MYO5B: variants seen among roughly 807,000 people sequenced by gnomAD.
MYO5B encodes the protein unconventional myosin-Vb.
In MYO5B, 143 loss-of-function variants were observed where a neutral mutation model predicts 229.3. The ratio of observed to expected loss-of-function variants is 0.62; its 90% CI spans 0.54 to 0.72. The LOEUF (loss-of-function observed/expected upper bound fraction) is 0.72, where lower values mean the gene tolerates loss of function less well. MYO5B is among the 30% of genes least tolerant of loss of function. MYO5B has a pLI of 0.00. For synonymous variants in MYO5B, 918 were observed against 885.2 expected (o/e 1.04, Z -0.66); for missense variants, 2,321 against 2,331.0 (o/e 1.00, Z 0.09).
intron 4 of MYO5B, among the ~76,000 whole-genome samples, chr18:50,012,942 TAATC>T (rs1416485987): frequency 6.6e-6 from 1 of 152,208 alleles, no homozygotes; most frequent in Non-Finnish European, 1.5e-5. Context: ...AGCAAAGACA[TAATC>T]AACCTCACGG....
At chr18:49,863,739 C>CCCCA (rs1360722730) in intron 28 of MYO5B, among the ~76,000 whole-genome samples, 1 of 152,172 alleles carries the variant, frequency 6.6e-6, no homozygotes, top group Non-Finnish European at 1.5e-5. Context: ...TGGCCTCTGT[C>CCCCA]CCCACCCTCT....
chr18:49,890,813 C>G lies in MYO5B; in HGVS notation c.3045+4128G>C, dbSNP rs546453670. Among the ~76,000 whole-genome samples, 3 of 152,262 alleles carry G rather than the reference C, an allele frequency of 2.0e-5. No individual in the cohort carries two copies. In the East Asian group the frequency reaches 5.8e-4, roughly 29 times the overall value. On this transcript the variant is annotated intron_variant, in intron 22 of 39. Transcript: ENST00000285039. ...GCAAAATCTTGAAGTGTTTATTTGA[C>G]CATTTTCTGAGAATGTTCTTCTAAG... is the stretch of plus-strand genomic sequence containing the variant.
chr18:50,065,793 C>T lies in MYO5B; in HGVS notation c.28-10415G>A, dbSNP rs145792452. Among the ~76,000 whole-genome samples, 191 of 152,178 alleles carry T rather than the reference C, an allele frequency of 1.3e-3. 2 individuals are homozygous for T. Among genetic ancestry groups the T allele is most frequent in the African/African-American group, 4.4e-3 (181 of 41,512 alleles). ...GGGGACCCAACCCACTGTGGGTCAT[C>T]GGGAAAGGCCTCACTGGAGATGATT... On this transcript the variant is annotated intron_variant, in intron 1 of 39. Transcript: ENST00000285039.
chr18:50,165,700 C>T (rs911295740), intron 1 of MYO5B, among the ~76,000 whole-genome samples: 4 of 152,058 alleles, frequency 2.6e-5, no homozygotes, highest in Non-Finnish European at 4.4e-5. Context: ...CACTAGAACC[C>T]AGGAAGCAGA....
At chr18:50,112,464 C>G (rs148743214) in intron 1 of MYO5B, among the ~76,000 whole-genome samples, 1 of 152,330 alleles carries the variant, frequency 6.6e-6, no homozygotes, top group East Asian at 1.9e-4. Context: ...ACCCACCTGC[C>G]CACACCCAAA....
chr18:50,160,309 G>C (rs1259961048), intron 1 of MYO5B, among the ~76,000 whole-genome samples: 2 of 152,228 alleles, frequency 1.3e-5, no homozygotes, highest in African/African-American at 2.4e-5. Context: ...ACTCTCTAAG[G>C]TCAGAGGCCA....
intron 1 of MYO5B, among the ~76,000 whole-genome samples, chr18:50,062,166 A>G (rs79311754): frequency 4.3e-4 from 46 of 106,502 alleles, no homozygotes; most frequent in African/African-American, 1.6e-3. Context: ...ATTACACATG[A>G]AAAAAAAAAA....
rs747005927 is a variant in MYO5B, at chr18:50,171,325, G to A, written c.27+23442C>T. Reference sequence around the variant, plus strand: ...CCAAGACCATGTAATGGATGGACACGATTTACAGTAATTGCCTCTGTACAG... The same window carrying A: ...CCAAGACCATGTAATGGATGGACACAATTTACAGTAATTGCCTCTGTACAG... On this transcript the variant is annotated intron_variant, in intron 1 of 39. Transcript: ENST00000285039. Among the ~76,000 whole-genome samples the A allele has an allele frequency of 6.2e-5, 8 of 128,164 alleles. 1 individual carries two copies. Among genetic ancestry groups the A allele is most frequent in the Non-Finnish European group, 1.2e-4 (7 of 60,014 alleles). 84.1% of individuals were successfully genotyped at this position (128,164 alleles called of 152,430 possible). A position where few individuals can be genotyped will look rare whatever the true frequency, so the allele number is the denominator to read the frequency against.
intron 17 of MYO5B, among the ~76,000 whole-genome samples, chr18:49,921,155 G>A (rs2025070489): frequency 6.6e-6 from 1 of 152,112 alleles, no homozygotes; most frequent in South Asian, 2.1e-4. Flanking sequence ...CACAGGACTG[G>A]GGAGAAGAAA....
chr18:49,836,435 T>G (rs957611427), intron 38 of MYO5B, among the ~76,000 whole-genome samples: 13 of 152,240 alleles, frequency 8.5e-5, no homozygotes, highest in Non-Finnish European at 1.6e-4. Flanking sequence ...TTACCTAAAC[T>G]TAACGTTTTG....
chr18:49,855,373 T>G (rs1380791319), intron 30 of MYO5B, among the ~76,000 whole-genome samples: 1 of 152,228 alleles, frequency 6.6e-6, no homozygotes. Context: ...GGGCTGATTC[T>G]AGAAACCAGG....
intron 21 of MYO5B, among the ~76,000 whole-genome samples, chr18:49,899,802 T>A (rs576920565): frequency 7.5e-4 from 114 of 152,314 alleles, no homozygotes; most frequent in Non-Finnish European, 1.2e-3. Flanking sequence ...AGCAAGAGCT[T>A]ATCCACTCCT....
chr18:50,057,877 T>C (rs1028516071), intron 1 of MYO5B, among the ~76,000 whole-genome samples: 3 of 152,122 alleles, frequency 2.0e-5, no homozygotes, highest in Admixed American at 1.3e-4. Flanking sequence ...AGAATCCTCA[T>C]ACTAACTACT....
At chr18:49,871,747 G>A (rs2024458198) in intron 27 of MYO5B, 1 of 264,846 alleles carries the variant, frequency 3.8e-6, no homozygotes, top group Non-Finnish European at 7.4e-6. Flanking sequence ...GGATGGGAAT[G>A]GGGTGGGCCT....
intron 1 of MYO5B, among the ~76,000 whole-genome samples, chr18:50,078,988 A>C (rs1473934624): frequency 6.6e-6 from 1 of 152,258 alleles, no homozygotes; most frequent in African/African-American, 2.4e-5. Flanking sequence ...AATACATACT[A>C]AACTATTCCA....
At chr18:49,932,047 T>C (rs1159265967) in intron 16 of MYO5B, among the ~76,000 whole-genome samples, 1 of 152,238 alleles carries the variant, frequency 6.6e-6, no homozygotes, top group African/African-American at 2.4e-5. Flanking sequence ...TGGGACCAGC[T>C]GGAGGTCCCT....
chr18:49,824,246 T>C lies in MYO5B; in HGVS notation c.*2225A>G, dbSNP rs2023811922. ...AAGTATTAAATAAGACAGATCTAAA[T>C]ATTAACTACATATAAAGTATATATT... On this transcript the variant is annotated 3_prime_UTR_variant, in exon 40 of 40. Transcript: ENST00000285039. 6.6e-6 allele frequency: 1 copy of C among 152,302 alleles called. No individual in the cohort carries two copies. Among genetic ancestry groups the C allele is most frequent in the African/African-American group, 2.4e-5 (1 of 41,488 alleles). 9.4% of individuals were successfully genotyped at this position (152,302 alleles called of 1,614,324 possible).
Position 49,907,762 on chromosome 18 carries a change from C to A in MYO5B, c.2203-1132G>T, listed in dbSNP as rs1217382088. Among the ~76,000 whole-genome samples the A allele has an allele frequency of 2.0e-5, 3 of 152,286 alleles. No individual in the cohort carries two copies. The East Asian group carries it at 5.8e-4, about 29-fold the overall frequency. Reference sequence around the variant, plus strand: ...CCTGCCTGAGCTAAGGCTGAGCTTGCAGCAGAGCTTCCAGCTTGAGTGTCA... The same window carrying A: ...CCTGCCTGAGCTAAGGCTGAGCTTGAAGCAGAGCTTCCAGCTTGAGTGTCA... On this transcript the variant is annotated intron_variant, in intron 18 of 39. Transcript: ENST00000285039.
At chr18:49,932,950 CAT>C (rs965311960) in intron 16 of MYO5B, among the ~76,000 whole-genome samples, 22 of 152,158 alleles carry the variant, frequency 1.4e-4, no homozygotes, top group African/African-American at 5.3e-4. Context: ...GGACAATTAA[CAT>C]AGAAAAATCA....
Sources: gnomAD v4.1 joint callset for allele counts (sites outside exome capture counted in the v4.1 genomes callset) on GRCh38, gnomAD v4.1.1 for gene constraint, MANE v1.5 for transcripts, NCBI Gene and HGNC (gene_info 2026-07-23, HGNC 2026-07-21) for gene names.